UTP6: variants seen among roughly 807,000 people sequenced by gnomAD.
The protein encoded by UTP6 is UTP6 small subunit processome component, also known as U3 small nucleolar RNA-associated protein 6 homolog.
Under a neutral mutation model 96.5 loss-of-function variants are expected in UTP6, and 60 were observed. The ratio of observed to expected loss-of-function variants is 0.62; its 90% CI spans 0.51 to 0.77. The LOEUF is 0.77. UTP6 is among the 30% of genes least tolerant of loss of function. The probability of loss-of-function intolerance (pLI) is 0.00; values close to 1 mark genes in which losing one functional copy is unlikely to be tolerated. For missense variants in UTP6, 637 were observed against 706.5 expected (o/e 0.90, Z 1.12); for synonymous variants, 215 against 240.1 (o/e 0.90, Z 0.96).
chr17:31,896,557 G>A (rs1218924051), intron 2 of UTP6, among the ~76,000 whole-genome samples: 1 of 151,618 alleles, frequency 6.6e-6, no homozygotes, highest in Non-Finnish European at 1.5e-5. Context: ...TGTATATGTA[G>A]TTCTAATTAT....
Position 31,899,765 on chromosome 17 carries a change from C to T in UTP6, c.93-35G>A, listed in dbSNP as rs538317436. 1.7e-5 allele frequency: 24 copies of T among 1,443,418 alleles called. No individual in the cohort carries two copies. In the South Asian group the frequency reaches 2.7e-4, roughly 16 times the overall value. The allele number at this position is 1,443,418 out of a possible 1,614,324, so 89.4% of individuals were successfully genotyped here. ...AAGCCATTTAAACTTCACTTGAAAA[C>T]TGCAAAAATTAAACGTTTAAGTTTA... On this transcript the variant is annotated intron_variant, in intron 1 of 18. Coordinates refer to ENST00000261708, the MANE Select transcript of UTP6 (RefSeq NM_018428.3).
rs1485725698 is a variant in UTP6 at position 31,885,996 on chromosome 17, A to C, written c.687T>G (p.Ser229=). The C allele has an allele frequency of 1.9e-6, 3 of 1,613,482 alleles. No individual in the cohort carries two copies. The South Asian group carries it at 3.3e-5, about 18-fold the overall frequency. Residue 229 remains serine, a synonymous_variant, in exon 9 of 19, where the codon TCT becomes TCG. Coordinates refer to ENST00000261708, the MANE Select transcript of UTP6 (RefSeq NM_018428.3). ...GELAWIIYKN[S]VSIIKGAEFH... is the part of the protein sequence containing the mutation. ...GATACCTACCTTTAATTATGCTTAC[A>C]GAATTTTTGTAGATGATCCATGCCA...
intron 13 of UTP6, among the ~76,000 whole-genome samples, chr17:31,875,798 C>G (rs1023767260): frequency 6.9e-5 from 10 of 145,402 alleles, no homozygotes; most frequent in African/African-American, 2.6e-4. Flanking sequence ...ACTCCAACCT[C>G]GGCGACAGAG....
chr17:31,885,427 G>A (rs1434770163), intron 9 of UTP6, among the ~76,000 whole-genome samples: 1 of 151,350 alleles, frequency 6.6e-6, no homozygotes, highest in African/African-American at 2.4e-5. Flanking sequence ...TTACAGGCAT[G>A]AGCCACCATA....
intron 6 of UTP6, among the ~76,000 whole-genome samples, chr17:31,891,465 T>G (rs2142318772): frequency 6.6e-6 from 1 of 152,304 alleles, no homozygotes; most frequent in South Asian, 2.1e-4. Flanking sequence ...TCTATTTGAG[T>G]CTTGTGTGGT....
At chr17:31,901,266 T>C in intron 1 of UTP6, 2 of 452,208 alleles carry the variant, frequency 4.4e-6, no homozygotes, top group Non-Finnish European at 4.1e-6. Flanking sequence ...TAGCTCCTAA[T>C]GAGCAGGAAT....
intron 7 of UTP6, chr17:31,887,598 T>TAGGA (rs1911224352): frequency 4.0e-6 from 1 of 251,376 alleles, no homozygotes; most frequent in Admixed American, 5.2e-5. Context: ...GTGATCCTCC[T>TAGGA]GCCTCAGCCT....
intron 13 of UTP6, 49 bp from the exon 14 acceptor site, chr17:31,875,462 A>G: frequency 1.3e-6 from 2 of 1,586,142 alleles, no homozygotes; most frequent in Non-Finnish European, 1.7e-6. Context: ...AAACCCAAAC[A>G]ATCTATGTAA....
intron 16 of UTP6, 24 bp from the exon 17 acceptor site, chr17:31,868,136 A>ATCT: frequency 6.2e-7 from 1 of 1,603,758 alleles, no homozygotes; most frequent in Non-Finnish European, 8.5e-7. Flanking sequence ...AGAAAACGTT[A>ATCT]TCTTCAACAA....
At chr17:31,882,156 G>C (rs1910882050) in intron 10 of UTP6, among the ~76,000 whole-genome samples, 1 of 151,866 alleles carries the variant, frequency 6.6e-6, no homozygotes, top group South Asian at 2.1e-4. Flanking sequence ...TCAGCCTCCG[G>C]AGTACCTGGG....
At chr17:31,884,946 T>C in intron 9 of UTP6, 1 of 154,460 alleles carries the variant, frequency 6.5e-6, no homozygotes, top group Non-Finnish European at 1.4e-5. Flanking sequence ...CTCAGGAGGC[T>C]GAAATGGGAG....
intron 13 of UTP6, among the ~76,000 whole-genome samples, chr17:31,877,966 C>CAAAAA (rs527445811): frequency 1.9e-5 from 1 of 52,266 alleles, no homozygotes. Context: ...AACTCCGTCT[C>CAAAAA]AAAAAAAAAA....
rs969747057 is a variant in UTP6 at position 31,899,726 on chromosome 17, T to A, written c.97A>T (p.Ile33Phe). The A allele has an allele frequency of 2.5e-6, 4 of 1,592,082 alleles. No individual in the cohort carries two copies. The highest frequency in any genetic ancestry group is 1.4e-5 in the African/African-American group (1 of 73,868). The change falls in exon 2 of 19, where the codon ATC (isoleucine) becomes TTC (phenylalanine). Residue 33 changes from isoleucine (I) to phenylalanine (F), a missense_variant. By Grantham distance (21) the Ile-to-Phe change is conservative. Coordinates refer to ENST00000261708, the MANE Select transcript of UTP6 (RefSeq NM_018428.3). ...TCTAGATCGGAAGCCTTCTTAATGATAGCCCTGAGGAGAAAGCCATTTAAA... is the reference window on the plus strand; with the variant it reads ...TCTAGATCGGAAGCCTTCTTAATGAAAGCCCTGAGGAGAAAGCCATTTAAA... ...GLFSHAEIKA[I>F]IKKASDLEYK...
At chr17:31,871,992 G>A (rs57655911) in intron 16 of UTP6, among the ~76,000 whole-genome samples, 13,803 of 151,956 alleles carry the variant, frequency 0.091, 687 homozygotes, top group East Asian at 0.17. Flanking sequence ...TCAGGAGTTC[G>A]AGACCAGCCT....
At chr17:31,879,969 C>T (rs1405951632) in intron 11 of UTP6, among the ~76,000 whole-genome samples, 1 of 151,542 alleles carries the variant, frequency 6.6e-6, no homozygotes, top group Non-Finnish European at 1.5e-5. Context: ...AGCCAGGCAT[C>T]GTGGCACACG....
At chr17:31,877,944 G>A (rs1200792937) in intron 13 of UTP6, among the ~76,000 whole-genome samples, 1 of 148,038 alleles carries the variant, frequency 6.8e-6, no homozygotes, top group East Asian at 2.0e-4. Context: ...TCCAGCCTGG[G>A]CAACAGAGTG....
chr17:31,878,776 T>A lies in UTP6; in HGVS notation c.973A>T (p.Met325Leu). The stretch of plus-strand genomic sequence containing the variant: ...CAAAAGGTGATGTAACACTTCCACA[T>A]GGCCTCTGGAAAAGTCAGAAAGATT... ...EAVKTLPTEA[M>L]WKCYITFCLE... is the part of the protein sequence containing the mutation. Residue 325 changes from methionine (M) to leucine (L), a missense_variant, in exon 12 of 19, where the codon ATG (methionine) becomes TTG (leucine). Coordinates refer to ENST00000261708, the MANE Select transcript of UTP6 (RefSeq NM_018428.3). The A allele has an allele frequency of 6.2e-7, 1 of 1,614,078 alleles. No homozygotes were observed. Among genetic ancestry groups the A allele is most frequent in the Non-Finnish European group, 8.5e-7 (1 of 1,179,992 alleles).
chr17:31,885,542 C>T (rs1911098006), intron 9 of UTP6, among the ~76,000 whole-genome samples: 2 of 151,860 alleles, frequency 1.3e-5, no homozygotes, highest in Admixed American at 6.6e-5. Flanking sequence ...GTAATCCCAA[C>T]ACTTTGGGAG....
At chr17:31,875,891 G>A (rs1162381932) in intron 13 of UTP6, among the ~76,000 whole-genome samples, 2 of 151,578 alleles carry the variant, frequency 1.3e-5, no homozygotes, top group African/African-American at 4.8e-5. Context: ...AATTTTCCAT[G>A]GCTGTTAAAC....
Sources: allele counts gnomAD v4.1 joint callset (sites outside exome capture counted in the v4.1 genomes callset), GRCh38; gene constraint gnomAD v4.1.1; transcripts MANE v1.5; gene names NCBI Gene and HGNC (gene_info 2026-07-23, HGNC 2026-07-21).